The following LAMB3 variants were observed in gnomAD, a reference collection of about 807,000 sequenced individuals.
The protein encoded by LAMB3 is laminin subunit beta-3.
Under a neutral mutation model 140.3 loss-of-function variants are expected in LAMB3, and 104 were observed. The observed-to-expected ratio is 0.74, with a 90% CI of 0.63 to 0.87. The LOEUF is 0.87. LAMB3 is among the 40% of genes least tolerant of loss of function. The pLI is 0.00. For synonymous variants in LAMB3, 592 were observed against 602.9 expected (o/e 0.98, Z 0.26); for missense variants, 1,531 against 1,575.2 (o/e 0.97, Z 0.47).
At chr1:209,633,982 A>G (rs1223010035) in intron 6 of LAMB3, among the ~76,000 whole-genome samples, 1 of 152,242 alleles carries the variant, frequency 6.6e-6, no homozygotes, top group Non-Finnish European at 1.5e-5. Context: ...CTCTGGGTTT[A>G]CCAGAATTCC....
rs745623000 is a variant in LAMB3, at chr1:209,649,964, C to T, written c.183G>A (p.Glu61=). The T allele has an allele frequency of 5.0e-6, 8 of 1,614,076 alleles. No homozygotes were observed. The highest frequency in any genetic ancestry group is 2.2e-5 in the East Asian group (1 of 44,888). ...TCCAGTCCTGGGAAGTAGGGCCTACCTCGCCATACTGGGTGCAGTAGGTCT... is the reference window on the plus strand; with the variant it reads ...TCCAGTCCTGGGAAGTAGGGCCTACTTCGCCATACTGGGTGCAGTAGGTCT... The part of the protein sequence containing the change: ...KPETYCTQYG[E]WQMKCCKCDS... Residue 61 remains glutamate, a splice_region_variant and synonymous_variant, in exon 3 of 23, where the codon GAG becomes GAA. Transcript: ENST00000356082.
chr1:209,634,214 G>A (rs1353459336), intron 6 of LAMB3, among the ~76,000 whole-genome samples: 1 of 152,124 alleles, frequency 6.6e-6, no homozygotes, highest in Non-Finnish European at 1.5e-5. Context: ...GCAGGGGTGA[G>A]TAATGCGGTG....
chr1:209,628,179 C>T lies in LAMB3; in HGVS notation c.1144G>A (p.Asp382Asn). The change falls in exon 11 of 23, where the codon GAT (aspartate) becomes AAT (asparagine). Residue 382 changes from aspartate (D) to asparagine (N), a missense_variant. Asp to Asn is a conservative substitution (Grantham distance 23, BLOSUM62 1). Transcript: ENST00000356082. ...GCCCCTGGCACTGCCCCATCCGGAT[C>T]ACACTCGCAGGCTGAGAGACAACAG... ...IQETCISCEC[D>N]PDGAVPGAPC... 1.3e-6 allele frequency: 2 copies of T among 1,559,652 alleles called. No homozygotes were observed. Among genetic ancestry groups the T allele is most frequent in the Non-Finnish European group, 1.7e-6 (2 of 1,151,256 alleles).
chr1:209,618,397 A>C, intron 19 of LAMB3, 55 bp downstream of exon 19: 1 of 1,568,662 alleles, frequency 6.4e-7, no homozygotes, highest in Non-Finnish European at 8.7e-7. Flanking sequence ...GGGGTTGAGG[A>C]GCAAAACGCC....
At chr1:209,626,625 T>C (rs1666465550) in intron 13 of LAMB3, among the ~76,000 whole-genome samples, 1 of 152,140 alleles carries the variant, frequency 6.6e-6, no homozygotes, top group Non-Finnish European at 1.5e-5. Flanking sequence ...CTCAGGGAAG[T>C]GGGGAGCAAA....
Position 209,623,043 on chromosome 1 carries a change from G to T in LAMB3, c.2495C>A (p.Ala832Glu). The change falls in exon 17 of 23, where the codon GCG (alanine) becomes GAG (glutamate). Residue 832 changes from alanine to glutamate, a missense_variant. Transcript: ENST00000356082. The surrounding 1 kb of genome is among the most constrained non-coding windows in gnomAD (Gnocchi z 4.2). ...CCGCAGCTGCTCAGCCACCTGCCCC[G>T]CCATCAAGAAGGCCCCACCGGCCCT... ...LPRAGGAFLM[A>E]GQVAEQLRGF... 2 of 1,614,010 alleles carry T rather than the reference G, an allele frequency of 1.2e-6. No individual in the cohort carries two copies. Among genetic ancestry groups the T allele is most frequent in the East Asian group, 2.2e-5 (1 of 44,862 alleles).
At position 209,629,881 on chromosome 1, in the gene LAMB3, C is replaced by A. The variant is rs555662201; in HGVS notation, c.988G>T (p.Ala330Ser). ...GCCCCCTGGCTGGCGGCAAACACAG[C>A]GGGGTCAAAGTGACATGTCTCTGAG... ...GHSETCHFDP[A>S]VFAASQGAYG... Residue 330 changes from alanine (A) to serine (S), a missense_variant, in exon 10 of 23, where the codon GCT (alanine) becomes TCT (serine). By Grantham distance (99) the Ala-to-Ser change is moderately conservative. Transcript: ENST00000356082. 2 of 1,614,154 alleles carry A rather than the reference C, an allele frequency of 1.2e-6. No homozygotes were observed. The highest frequency in any genetic ancestry group is 1.1e-5 in the South Asian group (1 of 91,084).
At position 209,615,029 on chromosome 1, in the gene LAMB3, A is replaced by C. The variant is rs1162067770; in HGVS notation, c.*242T>G. 1 of 526,268 alleles carries C rather than the reference A, an allele frequency of 1.9e-6. No homozygotes were observed. The highest frequency in any genetic ancestry group is 1.9e-5 in the African/African-American group (1 of 51,860). The allele number at this position is 526,268 out of a possible 1,614,324, so 32.6% of individuals were successfully genotyped here. ...CCCAGCCCAGCTTCCTTGACTTGAG[A>C]GCTCTTAGTTTCAATGGCATGCCAA... On this transcript the variant is annotated 3_prime_UTR_variant, in exon 23 of 23. Transcript: ENST00000356082.
At chr1:209,649,567 T>C (rs1030097456) in intron 3 of LAMB3, among the ~76,000 whole-genome samples, 2 of 152,172 alleles carry the variant, frequency 1.3e-5, no homozygotes, top group Admixed American at 6.5e-5. Flanking sequence ...GTTCCTGCCA[T>C]GGCAAGAACA....
At position 209,615,401 on chromosome 1, in the gene LAMB3, T is replaced by C; in HGVS notation, c.3389A>G (p.Glu1130Gly). 6.3e-7 allele frequency: 1 copy of C among 1,598,272 alleles called. No homozygotes were observed. The highest frequency in any genetic ancestry group is 8.5e-7 in the Non-Finnish European group (1 of 1,169,606). Reference sequence around the variant, plus strand: ...CTGGCTGCCCCGCAGCAGCTCCAACTCCATGTCTGAGGCAAATGGAACAGC... The same window carrying C: ...CTGGCTGCCCCGCAGCAGCTCCAACCCCATGTCTGAGGCAAATGGAACAGC... ...MEMMDRMKDM[E>G]LELLRGSQAI... Residue 1130 changes from glutamate (E) to glycine (G), a missense_variant, in exon 23 of 23, where the codon GAG becomes GGG. Glu to Gly is a moderately conservative substitution (Grantham distance 98). Coordinates refer to ENST00000356082, the MANE Select transcript of LAMB3 (RefSeq NM_000228.3).
In LAMB3 at chr1:209,616,446, C is replaced by T. The variant is rs778356302; in HGVS notation, c.3382+25G>A. On this transcript the variant is annotated intron_variant, in intron 22 of 22. Coordinates refer to ENST00000356082, the MANE Select transcript of LAMB3 (RefSeq NM_000228.3). ...CCAGCCTTCATGAATGCCCAATAGT[C>T]CATGCCCCTAAACCATTCCCTCACC... 4 of 1,613,772 alleles carry T rather than the reference C, an allele frequency of 2.5e-6. No individual in the cohort carries two copies. In the African/African-American group the frequency reaches 5.3e-5, roughly 22 times the overall value.
At chr1:209,639,022 C>T (rs1389522474) in intron 3 of LAMB3, among the ~76,000 whole-genome samples, 3 of 151,258 alleles carry the variant, frequency 2.0e-5, no homozygotes, top group Non-Finnish European at 2.9e-5. Context: ...TGAGCATCTA[C>T]GACATACTGG....
chr1:209,618,475 C>G lies in LAMB3; in HGVS notation c.2886G>C (p.Leu962Phe). 1 of 1,614,140 alleles carries G rather than the reference C, an allele frequency of 6.2e-7. No individual in the cohort carries two copies. The highest frequency in any genetic ancestry group is 8.5e-7 in the Non-Finnish European group (1 of 1,180,056). Residue 962 changes from leucine to phenylalanine, a missense_variant, in exon 19 of 23, where the codon TTG becomes TTC. Coordinates refer to ENST00000356082, the MANE Select transcript of LAMB3 (RefSeq NM_000228.3). ...TKQDIARARRLQAEAEEARSR... is the reference protein window; with the variant it reads ...TKQDIARARRFQAEAEEARSR... ...ACCTGGCTTCCTCAGCCTCAGCCTG[C>G]AACCGGCGGGCACGCGCAATGTCCT... is the stretch of plus-strand genomic sequence containing the variant.
Position 209,623,447 on chromosome 1 carries a change from G to T in LAMB3, c.2358+58C>A. ...TAATAGGAAGCAGGTGGCAGCAGTT[G>T]GTGTGTGACAAGCTGGGGTGTGGGC... is the stretch of plus-strand genomic sequence containing the variant. On this transcript the variant is annotated intron_variant, in intron 16 of 22. Transcript: ENST00000356082. The surrounding 1 kb of genome is among the most constrained non-coding windows in gnomAD (Gnocchi z 4.2). 6.6e-7 allele frequency: 1 copy of T among 1,510,850 alleles called. No individual in the cohort carries two copies. Among genetic ancestry groups the T allele is most frequent in the Non-Finnish European group, 9.2e-7 (1 of 1,085,864 alleles). 93.6% of individuals were successfully genotyped at this position (1,510,850 alleles called of 1,614,324 possible). A position where few individuals can be genotyped will look rare whatever the true frequency, so the allele number is the denominator to read the frequency against.
chr1:209,622,814 G>T, intron 17 of LAMB3, 134 bp from the exon 18 acceptor site: 1 of 1,365,200 alleles, frequency 7.3e-7, no homozygotes, highest in Non-Finnish European at 1.0e-6. Context: ...CTTACATGTG[G>T]ATGTTCAGTA....
Position 209,650,023 on chromosome 1 carries a change from G to A in LAMB3, c.124C>T (p.Arg42Ter), listed in dbSNP as rs80356680. The change falls in exon 3 of 23, where the codon CGA becomes TGA. Residue 42 changes from arginine to a stop codon, truncating the protein, a stop_gained. Transcript: ENST00000356082. LOFTEE classifies it high-confidence loss of function. ...DLLVGRTRFL[R>*]ASSTCGLTKP... Reference sequence around the variant, plus strand: ...GTCAGTCCACAGGTAGATGAAGCTCGGAGAAACCGGGTCCTCCCAACAAGC... The same window carrying A: ...GTCAGTCCACAGGTAGATGAAGCTCAGAGAAACCGGGTCCTCCCAACAAGC... 139 of 1,614,058 alleles carry A rather than the reference G, an allele frequency of 8.6e-5. No individual in the cohort carries two copies. The highest frequency in any genetic ancestry group is 1.0e-4 in the Non-Finnish European group (121 of 1,180,042).
At chr1:209,639,965 G>A (rs1488723419) in intron 3 of LAMB3, among the ~76,000 whole-genome samples, 4 of 152,158 alleles carry the variant, frequency 2.6e-5, no homozygotes, top group Admixed American at 1.3e-4. Flanking sequence ...TGGATATATG[G>A]GGCCTATGCC....
rs532022451 is a variant in LAMB3, at chr1:209,618,187, C to T, written c.2910-139G>A. The T allele has an allele frequency of 1.3e-3, 1,429 of 1,118,928 alleles. 34 individuals are homozygous for T. In the South Asian group the frequency reaches 0.018, roughly 14 times the overall value. 69.3% of individuals were successfully genotyped at this position (1,118,928 alleles called of 1,614,324 possible). A position where few individuals can be genotyped will look rare whatever the true frequency, so the allele number is the denominator to read the frequency against. ...AGCAAGGAAAGTATTAACTCAGTAG[C>T]TTTGATGTCCCAGGACCCCACCAAG... On this transcript the variant is annotated intron_variant, in intron 19 of 22. Transcript: ENST00000356082.
rs372654158 is a variant in LAMB3, at chr1:209,627,418, C to T, written c.1450G>A (p.Asp484Asn). 10 of 1,613,604 alleles carry T rather than the reference C, an allele frequency of 6.2e-6. No individual in the cohort carries two copies. Among genetic ancestry groups the T allele is most frequent in the Non-Finnish European group, 8.5e-6 (10 of 1,179,954 alleles). Reference sequence around the variant, plus strand: ...TGTGGGCTGAGGGAGTTGTGCGGGTCGCAGGCACACGGTTCACAGCCCTGG... The same window carrying T: ...TGTGGGCTGAGGGAGTTGTGCGGGTTGCAGGCACACGGTTCACAGCCCTGG... ...SGQGCEPCAC[D>N]PHNSLSPQCN... The change falls in exon 12 of 23, where the codon GAC becomes AAC. Residue 484 changes from aspartate (D) to asparagine (N), a missense_variant. Physicochemically the swap from Asp to Asn is conservative, Grantham distance 23. Transcript: ENST00000356082.
Sources: allele counts gnomAD v4.1 joint callset (sites outside exome capture counted in the v4.1 genomes callset), GRCh38; gene constraint gnomAD v4.1.1; non-coding constraint Gnocchi (gnomAD v3.1); transcripts MANE v1.5; gene names NCBI Gene and HGNC (gene_info 2026-07-23, HGNC 2026-07-21).